RABGAP1L: variants seen among roughly 807,000 people sequenced by gnomAD.
The protein encoded by RABGAP1L is rab GTPase-activating protein 1-like.
RABGAP1L carries 63 observed loss-of-function variants against 137.7 expected under a neutral mutation model. The ratio of observed to expected loss-of-function variants is 0.46; its 90% CI spans 0.37 to 0.56. The LOEUF (loss-of-function observed/expected upper bound fraction) is 0.56. RABGAP1L is among the 20% of genes least tolerant of loss of function. The pLI, the probability that RABGAP1L is intolerant of heterozygous loss-of-function variation, is 0.00. For synonymous variants in RABGAP1L, 431 were observed against 433.7 expected, an observed-to-expected ratio of 0.99 and a Z score of 0.08; for missense variants, 1,095 against 1,244.0, an observed-to-expected ratio of 0.88 and a Z score of 1.80.
chr1:174,849,422 C>T (rs906347070), intron 19 of RABGAP1L, among the ~76,000 whole-genome samples: 5 of 152,074 alleles, frequency 3.3e-5, no homozygotes, highest in African/African-American at 1.2e-4. Context: ...CGCTCTTTTA[C>T]TTATAATAAA....
intron 13 of RABGAP1L, among the ~76,000 whole-genome samples, chr1:174,599,479 C>G (rs773094352): frequency 6.6e-6 from 1 of 152,180 alleles, no homozygotes; most frequent in Non-Finnish European, 1.5e-5. Context: ...ACATCATTCC[C>G]TTTCTGATTG....
rs201933078 is a variant in RABGAP1L, at chr1:174,448,195, A to G, written c.1710+54050A>G. On this transcript the variant is annotated intron_variant, in intron 13 of 25. Coordinates refer to ENST00000681986, the MANE Select transcript of RABGAP1L (RefSeq NM_001366446.1). The surrounding 1 kb of genome is among the most constrained non-coding windows in gnomAD (Gnocchi z 4.2). ...ATGTGTCCGAGCGTCACTCCTGCCC[A>G]CTTGGATTTGGCCACTACAGTGTGG... 71 of 1,613,810 alleles carry G rather than the reference A, an allele frequency of 4.4e-5. No homozygotes were observed. The highest frequency in any genetic ancestry group is 4.2e-4 in the Admixed American group (25 of 59,988).
chr1:174,621,236 C>T (rs946765172), intron 13 of RABGAP1L, among the ~76,000 whole-genome samples: 12 of 152,180 alleles, frequency 7.9e-5, no homozygotes, highest in African/African-American at 2.7e-4. Flanking sequence ...ATTCCATGCT[C>T]ATGGGTAGGA....
chr1:174,301,320 T>C (rs1261843729), intron 10 of RABGAP1L, among the ~76,000 whole-genome samples: 5 of 150,538 alleles, frequency 3.3e-5, no homozygotes, highest in African/African-American at 1.2e-4. Context: ...TGTTACAGCA[T>C]GCTAATTAGC....
chr1:174,383,657 G>T (rs1332889751), intron 12 of RABGAP1L, among the ~76,000 whole-genome samples: 3 of 152,124 alleles, frequency 2.0e-5, no homozygotes, highest in Non-Finnish European at 4.4e-5. Flanking sequence ...CTCGCGCACG[G>T]TGCGCGCACC....
intron 13 of RABGAP1L, among the ~76,000 whole-genome samples, chr1:174,406,096 G>T (rs565155130): frequency 1.5e-3 from 224 of 152,002 alleles, no homozygotes; most frequent in Non-Finnish European, 2.4e-3. Flanking sequence ...TTTGCTTATG[G>T]TTAATTTTTT....
intron 13 of RABGAP1L, among the ~76,000 whole-genome samples, chr1:174,432,292 A>AT (rs1291963124): frequency 6.6e-6 from 1 of 152,056 alleles, no homozygotes; most frequent in Admixed American, 6.6e-5. Flanking sequence ...ATATGATTTA[A>AT]TTTTTTATGG....
At chr1:174,223,194 G>C (rs1669893693) in intron 3 of RABGAP1L, among the ~76,000 whole-genome samples, 1 of 148,272 alleles carries the variant, frequency 6.7e-6, no homozygotes, top group South Asian at 2.2e-4. Flanking sequence ...CTTGAACCTG[G>C]GAGGCAGAGG....
At chr1:174,905,547 C>CT (rs1335600734) in intron 19 of RABGAP1L, among the ~76,000 whole-genome samples, 1 of 152,124 alleles carries the variant, frequency 6.6e-6, no homozygotes, top group Non-Finnish European at 1.5e-5. Context: ...AGTTCAAAGA[C>CT]TGTCTGAAAA....
chr1:174,805,683 G>A (rs1476651735), intron 18 of RABGAP1L, among the ~76,000 whole-genome samples: 1 of 152,062 alleles, frequency 6.6e-6, no homozygotes, highest in Non-Finnish European at 1.5e-5. Context: ...TGTATTTTTA[G>A]TAGAGATGGG....
intron 13 of RABGAP1L, among the ~76,000 whole-genome samples, chr1:174,398,234 G>A (rs1288416076): frequency 6.6e-6 from 1 of 152,116 alleles, no homozygotes; most frequent in African/African-American, 2.4e-5. Context: ...AGGCATGATT[G>A]ATTGGATCAT....
chr1:174,876,081 TG>T (rs1653069172), intron 19 of RABGAP1L, among the ~76,000 whole-genome samples: 1 of 152,162 alleles, frequency 6.6e-6, no homozygotes, highest in African/African-American at 2.4e-5. Flanking sequence ...TACATTTAAA[TG>T]GGACAAGGTG....
intron 11 of RABGAP1L, among the ~76,000 whole-genome samples, chr1:174,345,668 A>G (rs1682365881): frequency 6.6e-6 from 1 of 152,164 alleles, no homozygotes; most frequent in South Asian, 2.1e-4. Context: ...TTTTCCAAAT[A>G]TAAGATCGTA....
chr1:174,683,721 A>G, intron 15 of RABGAP1L, 125 bp downstream of exon 15: 1 of 636,432 alleles, frequency 1.6e-6, no homozygotes. Flanking sequence ...TATCTTTTTT[A>G]AAATGTACGT....
At chr1:174,551,053 C>A (rs1437510743) in intron 13 of RABGAP1L, among the ~76,000 whole-genome samples, 2 of 130,188 alleles carry the variant, frequency 1.5e-5, no homozygotes, top group African/African-American at 3.4e-5. Flanking sequence ...TATATACACA[C>A]AAAAAATTAG....
chr1:174,892,896 A>ATTTTTTTTTTTTTT (rs748971722), intron 19 of RABGAP1L, among the ~76,000 whole-genome samples: 22 of 91,870 alleles, frequency 2.4e-4, no homozygotes, highest in Non-Finnish European at 3.3e-4. Flanking sequence ...CACCCAGCTA[A>ATTTTTTTTTTTTTT]TTTTTTTTTT....
In RABGAP1L at chr1:174,276,504, A is replaced by G. The variant is rs77398830; in HGVS notation, c.1156+569A>G. Among the ~76,000 whole-genome samples the G allele has an allele frequency of 6.5e-3, 988 of 152,216 alleles. 38 individuals are homozygous for G. The East Asian group carries it at 0.11, about 18-fold the overall frequency. On this transcript the variant is annotated intron_variant, in intron 9 of 25. Coordinates refer to ENST00000681986, the MANE Select transcript of RABGAP1L (RefSeq NM_001366446.1). ...TGGGCTTTGTTTTTCATATACCACTATAGAGTTATTTCATTTGTGGAGACT... is the reference window on the plus strand; with the variant it reads ...TGGGCTTTGTTTTTCATATACCACTGTAGAGTTATTTCATTTGTGGAGACT...
Position 174,221,112 on chromosome 1 carries a change from C to G in RABGAP1L, c.279C>G (p.Ala93=). Residue 93 remains alanine (A), a synonymous_variant, in exon 3 of 26, where the codon GCC becomes GCG. Transcript: ENST00000681986. ...ISDHSFGDIP[A]SQTNKPSLQL... The stretch of plus-strand genomic sequence containing the variant: ...ACCATTCGTTTGGAGATATTCCAGC[C>G]AGCCAAACAAATAAGCCATCTCTTC... The G allele has an allele frequency of 6.2e-7, 1 of 1,613,374 alleles. No homozygotes were observed. The highest frequency in any genetic ancestry group is 8.5e-7 in the Non-Finnish European group (1 of 1,179,578).
At chr1:174,252,175 G>A (rs1418789003) in intron 6 of RABGAP1L, among the ~76,000 whole-genome samples, 6 of 152,130 alleles carry the variant, frequency 3.9e-5, no homozygotes, top group Non-Finnish European at 8.8e-5. Context: ...GATTACAGGC[G>A]TAAGCCACCG....
Sources: gnomAD v4.1 joint callset for allele counts (sites outside exome capture counted in the v4.1 genomes callset) on GRCh38, gnomAD v4.1.1 for gene constraint, Gnocchi (gnomAD v3.1) non-coding constraint, MANE v1.5 for transcripts, NCBI Gene and HGNC (gene_info 2026-07-23, HGNC 2026-07-21) for gene names.